The following METTL15 variants were observed in gnomAD, a reference collection of about 807,000 sequenced individuals.
The protein encoded by METTL15 is 12S rRNA N(4)-cytidine methyltransferase METTL15.
In METTL15, 34 loss-of-function variants were observed where a neutral mutation model predicts 38.3. That is an observed-to-expected ratio of 0.89 (90% CI 0.68 to 1.18). The LOEUF (loss-of-function observed/expected upper bound fraction) is 1.18. METTL15 is among the 50% of genes most tolerant of loss of function. METTL15 has a pLI of 0.00. For missense variants in METTL15, 438 were observed against 498.4 expected (o/e 0.88, Z 1.15); for synonymous variants, 162 against 170.9 (o/e 0.95, Z 0.41).
rs535650105 is a variant in METTL15 at position 28,256,863 on chromosome 11, G to A, written c.408-33343G>A. ...CAGCTGTAAAATTCCCTCTTAGTAC[G>A]CTTTTGTTTTATCCTACAGGTTTTG... On this transcript the variant is annotated intron_variant, in intron 4 of 6. Transcript: ENST00000407364. Among the ~76,000 whole-genome samples, 100 of 151,900 alleles carry A rather than the reference G, an allele frequency of 6.6e-4. No individual in the cohort carries two copies. In the Middle Eastern group the frequency reaches 0.01, roughly 16 times the overall value.
chr11:28,498,239 A>G (rs749740655), intron 6 of METTL15, among the ~76,000 whole-genome samples: 48 of 152,128 alleles, frequency 3.2e-4, no homozygotes, highest in Non-Finnish European at 6.5e-4. Context: ...GCTCACTGCA[A>G]GCTCTGCCTC....
At position 28,442,580 on chromosome 11, in the gene METTL15, G is replaced by A. The variant is rs888693988; in HGVS notation, c.*424+18216G>A. ...ATTACCTTCCAATGCTGATTTCAGT[G>A]TTATTTATATTGCTTTACATTGCAA... On this transcript the variant is annotated intron_variant and NMD_transcript_variant, in intron 6 of 7. Transcript: ENST00000532947. Among the ~76,000 whole-genome samples the A allele has an allele frequency of 5.3e-5, 8 of 152,260 alleles. No individual in the cohort carries two copies. In the South Asian group the frequency reaches 1.7e-3, roughly 32 times the overall value.
chr11:28,124,491 T>C (rs1852386587), intron 3 of METTL15, among the ~76,000 whole-genome samples: 3 of 152,072 alleles, frequency 2.0e-5, no homozygotes, highest in Admixed American at 6.6e-5. Flanking sequence ...GGAAACCTTA[T>C]ATTTATAATG....
At chr11:28,190,452 G>A (rs1454185677) in intron 3 of METTL15, among the ~76,000 whole-genome samples, 1 of 151,102 alleles carries the variant, frequency 6.6e-6, no homozygotes, top group Non-Finnish European at 1.5e-5. Context: ...TCTATTAAGA[G>A]TGCAAAGAAG....
At chr11:28,312,109 C>G (rs1012578620) in intron 6 of METTL15, among the ~76,000 whole-genome samples, 1 of 152,298 alleles carries the variant, frequency 6.6e-6, no homozygotes, top group Middle Eastern at 3.4e-3. Flanking sequence ...TTAGGATAGG[C>G]GGCCAACTCA....
intron 5 of METTL15, among the ~76,000 whole-genome samples, chr11:28,369,004 G>T (rs1195771963): frequency 6.6e-6 from 1 of 152,056 alleles, no homozygotes; most frequent in East Asian, 1.9e-4. Context: ...GCCTGTCAGA[G>T]GGTGGGGAGC....
At chr11:28,454,428 G>A (rs1402806952) in intron 6 of METTL15, among the ~76,000 whole-genome samples, 2 of 152,180 alleles carry the variant, frequency 1.3e-5, no homozygotes, top group East Asian at 1.9e-4. Flanking sequence ...CTTCTTAATA[G>A]AAGTTCTTCT....
At chr11:28,110,469 C>T (rs1470761943) in intron 2 of METTL15, 68 bp downstream of exon 2, 1 of 152,242 alleles carries the variant, frequency 6.6e-6, no homozygotes, top group African/African-American at 2.4e-5. Context: ...GGGTACTCCA[C>T]AGGGGTCGCT....
chr11:28,495,821 A>G (rs1851531343), intron 6 of METTL15, among the ~76,000 whole-genome samples: 1 of 152,016 alleles, frequency 6.6e-6, no homozygotes, highest in African/African-American at 2.4e-5. Flanking sequence ...CCTAAAGAAG[A>G]GACTATGCTG....
intron 3 of METTL15, among the ~76,000 whole-genome samples, chr11:28,186,029 C>G (rs1851481414): frequency 1.3e-5 from 2 of 150,528 alleles, no homozygotes; most frequent in African/African-American, 4.9e-5. Flanking sequence ...AGTAGAAATC[C>G]AAATAGAGAA....
chr11:28,241,197 G>A (rs1026146806), intron 4 of METTL15, among the ~76,000 whole-genome samples: 1 of 152,118 alleles, frequency 6.6e-6, no homozygotes, highest in Non-Finnish European at 1.5e-5. Context: ...AAGCAGAATA[G>A]GTAAGTTTTC....
chr11:28,360,550 G>A (rs1423262899), intron 4 of METTL15, among the ~76,000 whole-genome samples: 1 of 152,124 alleles, frequency 6.6e-6, no homozygotes, highest in Non-Finnish European at 1.5e-5. Context: ...GCTACAGAAA[G>A]AAACTCAGGC....
At chr11:28,491,834 G>T (rs1447803948) in intron 6 of METTL15, among the ~76,000 whole-genome samples, 3 of 152,072 alleles carry the variant, frequency 2.0e-5, no homozygotes, top group Non-Finnish European at 2.9e-5. Context: ...TATTTACTAT[G>T]TTATTGAAAT....
At chr11:28,430,703 C>A (rs1850915133) in intron 6 of METTL15, among the ~76,000 whole-genome samples, 1 of 118,980 alleles carries the variant, frequency 8.4e-6, no homozygotes, top group African/African-American at 3.3e-5. Context: ...GCCCGGCCAG[C>A]CGCCCCGTCT....
At chr11:28,130,572 T>C (rs889397302) in intron 3 of METTL15, among the ~76,000 whole-genome samples, 36 of 152,000 alleles carry the variant, frequency 2.4e-4, no homozygotes, top group African/African-American at 8.0e-4. Context: ...TCAGTTAGAA[T>C]ACGTTGAGCT....
intron 3 of METTL15, among the ~76,000 whole-genome samples, chr11:28,192,448 AT>A (rs1406411676): frequency 6.8e-6 from 1 of 147,452 alleles, no homozygotes; most frequent in East Asian, 2.0e-4. Context: ...TTTTTTGCAC[AT>A]TTTTACATCT....
intron 4 of METTL15, among the ~76,000 whole-genome samples, chr11:28,219,635 T>C (rs1187990905): frequency 1.3e-5 from 2 of 152,194 alleles, no homozygotes; most frequent in African/African-American, 4.8e-5. Context: ...CTTCTCTAGT[T>C]CTTTTAATTG....
At chr11:28,306,263 C>T (rs908770334) in intron 6 of METTL15, among the ~76,000 whole-genome samples, 1 of 152,048 alleles carries the variant, frequency 6.6e-6, no homozygotes, top group African/African-American at 2.4e-5. Flanking sequence ...ATTAGAGTGA[C>T]CTGCTGGCAT....
chr11:28,108,935 T>C (rs1565096474), intron 1 of METTL15, among the ~76,000 whole-genome samples: 1 of 152,228 alleles, frequency 6.6e-6, no homozygotes, highest in Non-Finnish European at 1.5e-5. Flanking sequence ...AATAACTTTA[T>C]TTGGCAGGGT....
Sources: allele counts gnomAD v4.1 joint callset (sites outside exome capture counted in the v4.1 genomes callset), GRCh38; gene constraint gnomAD v4.1.1; transcripts MANE v1.5; gene names NCBI Gene and HGNC (gene_info 2026-07-23, HGNC 2026-07-21).